The following CADM2 variants were observed in gnomAD, a reference collection of about 807,000 sequenced individuals.
CADM2 encodes the protein cell adhesion molecule 2.
In CADM2, 12 loss-of-function variants were observed where a neutral mutation model predicts 49.8. The ratio of observed to expected loss-of-function variants is 0.24; its 90% CI spans 0.15 to 0.39. The LOEUF is 0.39. Among genes scored for constraint, CADM2 ranks in the 10% least tolerant of loss-of-function variants. The pLI is 1.00. For synonymous variants in CADM2, 214 were observed against 175.4 expected (o/e 1.22, Z -1.74); for missense variants, 378 against 492.3 (o/e 0.77, Z 2.20).
intron 1 of CADM2, among the ~76,000 whole-genome samples, chr3:85,392,476 T>C (rs1667070501): frequency 6.6e-6 from 1 of 152,114 alleles, no homozygotes; most frequent in Non-Finnish European, 1.5e-5. Context: ...TAATTTGTTT[T>C]CTATATGACA....
chr3:85,239,528 G>A lies in CADM2; in HGVS notation c.61+279860G>A, dbSNP rs554761091. Reference sequence around the variant, plus strand: ...ATATATGAGGGACTTCATTTTTAACGAATTTAATACTAAATCTACATCAAA... The same window carrying A: ...ATATATGAGGGACTTCATTTTTAACAAATTTAATACTAAATCTACATCAAA... On this transcript the variant is annotated intron_variant, in intron 1 of 9. Coordinates refer to ENST00000383699, the MANE Select transcript of CADM2 (RefSeq NM_001167675.2). 7.3e-5 allele frequency among the ~76,000 whole-genome samples: 11 copies of A among 151,510 alleles called. No homozygotes were observed. The South Asian group carries it at 1.7e-3, about 23-fold the overall frequency.
intron 1 of CADM2, among the ~76,000 whole-genome samples, chr3:85,725,532 C>T (rs187495214): frequency 6.6e-6 from 1 of 151,978 alleles, no homozygotes; most frequent in African/African-American, 2.4e-5. Flanking sequence ...CTTCATTTTT[C>T]AATAGTAAGT....
intron 8 of CADM2, among the ~76,000 whole-genome samples, chr3:85,988,875 A>T (rs1056655477): frequency 6.6e-6 from 1 of 152,198 alleles, no homozygotes; most frequent in Non-Finnish European, 1.5e-5. Context: ...ATGAGTGTTT[A>T]CATGGGCAAA....
At chr3:85,502,970 A>G (rs1283306165) in intron 1 of CADM2, among the ~76,000 whole-genome samples, 1 of 149,266 alleles carries the variant, frequency 6.7e-6, no homozygotes, top group Non-Finnish European at 1.5e-5. Context: ...AAAAGATTGT[A>G]AAAGAAAAAA....
At chr3:86,043,005 A>G (rs908139306) in intron 8 of CADM2, among the ~76,000 whole-genome samples, 11 of 152,334 alleles carry the variant, frequency 7.2e-5, no homozygotes, top group African/African-American at 2.4e-4. Flanking sequence ...TAGATGCAGA[A>G]AAGGCCTTTG....
chr3:85,503,400 A>G (rs2040196469), intron 1 of CADM2, among the ~76,000 whole-genome samples: 1 of 152,154 alleles, frequency 6.6e-6, no homozygotes, highest in Non-Finnish European at 1.5e-5. Context: ...CATAATTTTA[A>G]ATAATGCATG....
intron 1 of CADM2, among the ~76,000 whole-genome samples, chr3:85,704,691 T>C (rs2066883422): frequency 6.6e-6 from 1 of 151,942 alleles, no homozygotes; most frequent in Non-Finnish European, 1.5e-5. Flanking sequence ...GGAACATAAA[T>C]ATTTAGGCTA....
intron 8 of CADM2, among the ~76,000 whole-genome samples, chr3:86,040,436 G>A (rs1356546420): frequency 6.6e-6 from 1 of 152,150 alleles, no homozygotes; most frequent in Non-Finnish European, 1.5e-5. Context: ...TGTGACAAAT[G>A]CACAAGCCTC....
At chr3:85,054,902 T>C (rs756878917) in intron 1 of CADM2, among the ~76,000 whole-genome samples, 12 of 151,924 alleles carry the variant, frequency 7.9e-5, no homozygotes, top group Non-Finnish European at 1.5e-4. Context: ...GAGAAATATT[T>C]ATTAAATATT....
chr3:85,365,717 T>C (rs372969660), intron 1 of CADM2, among the ~76,000 whole-genome samples: 13 of 152,272 alleles, frequency 8.5e-5, no homozygotes, highest in African/African-American at 2.9e-4. Flanking sequence ...TAATTTTCAC[T>C]CTATTTCAAG....
At chr3:84,963,446 G>A (rs1293165628) in intron 1 of CADM2, among the ~76,000 whole-genome samples, 2 of 152,098 alleles carry the variant, frequency 1.3e-5, no homozygotes, top group Non-Finnish European at 2.9e-5. Flanking sequence ...AATATAACAA[G>A]AAATAATCAT....
intron 1 of CADM2, among the ~76,000 whole-genome samples, chr3:85,442,588 G>GTGTATATATA (rs2037255318): frequency 8.3e-6 from 1 of 120,934 alleles, no homozygotes; most frequent in East Asian, 2.1e-4. Context: ...TTATATATGA[G>GTGTATATATA]TATATATATA....
In CADM2 at chr3:85,769,255, GTA is replaced by G. The variant is rs1208684165; in HGVS notation, c.89-32785_89-32784del. 1.7e-4 allele frequency among the ~76,000 whole-genome samples: 18 copies of G among 106,914 alleles called. 1 individual carries two copies. Among genetic ancestry groups the G allele is most frequent in the African/African-American group, 7.3e-4 (17 of 23,396 alleles). 70.1% of individuals were successfully genotyped at this position (106,914 alleles called of 152,430 possible). ...ACATATACACATATATACATATATA[GTA>G]TATATACACATATATACATATATAC... is the stretch of plus-strand genomic sequence containing the variant. On this transcript the variant is annotated intron_variant, in intron 2 of 9. Transcript: ENST00000383699.
At chr3:85,959,714 C>G (rs560000483) in intron 7 of CADM2, among the ~76,000 whole-genome samples, 12 of 152,014 alleles carry the variant, frequency 7.9e-5, no homozygotes, top group Admixed American at 5.3e-4. Context: ...CATGTCTATA[C>G]ACTCAAATAC....
intron 1 of CADM2, among the ~76,000 whole-genome samples, chr3:85,261,017 A>G (rs2043003552): frequency 6.6e-6 from 1 of 152,116 alleles, no homozygotes; most frequent in Non-Finnish European, 1.5e-5. Context: ...TTGATGAAGA[A>G]AAATATGTGT....
chr3:85,466,944 C>T (rs1174113798), intron 1 of CADM2, among the ~76,000 whole-genome samples: 5 of 152,000 alleles, frequency 3.3e-5, no homozygotes, highest in Admixed American at 2.0e-4. Context: ...GAGAATTGGC[C>T]TCCTGTAGCC....
chr3:85,060,393 C>T lies in CADM2; in HGVS notation c.61+100725C>T, dbSNP rs1464165227. 5.9e-5 allele frequency among the ~76,000 whole-genome samples: 9 copies of T among 152,222 alleles called. No individual in the cohort carries two copies. The East Asian group carries it at 1.2e-3, about 20-fold the overall frequency. Reference sequence around the variant, plus strand: ...CCACCCGCCTCAATCTCCCAAATTGCTGGGATTACAGGTGTGAGCCATCAC... The same window carrying T: ...CCACCCGCCTCAATCTCCCAAATTGTTGGGATTACAGGTGTGAGCCATCAC... On this transcript the variant is annotated intron_variant, in intron 1 of 9. Transcript: ENST00000383699.
intron 1 of CADM2, among the ~76,000 whole-genome samples, chr3:85,674,235 A>G (rs933904507): frequency 9.9e-5 from 15 of 151,614 alleles, no homozygotes; most frequent in Admixed American, 5.9e-4. Context: ...TGTAAAAAAC[A>G]TATGTGATCA....
chr3:85,111,759 T>C (rs1315955458), intron 1 of CADM2, among the ~76,000 whole-genome samples: 1 of 151,886 alleles, frequency 6.6e-6, no homozygotes, highest in African/African-American at 2.4e-5. Flanking sequence ...GAAATTGGAT[T>C]ATTTGTAACT....
Sources: gnomAD v4.1 joint callset for allele counts (sites outside exome capture counted in the v4.1 genomes callset) on GRCh38, gnomAD v4.1.1 for gene constraint, MANE v1.5 for transcripts, NCBI Gene and HGNC (gene_info 2026-07-23, HGNC 2026-07-21) for gene names.